The following NFIB variants were observed in gnomAD, a reference collection of about 807,000 sequenced individuals.
NFIB encodes nuclear factor 1 B-type.
A neutral mutation model predicts 61.5 loss-of-function variants in NFIB; 11 were observed. That is an observed-to-expected ratio of 0.18 (90% confidence interval 0.11 to 0.30). The LOEUF is 0.30. NFIB is among the 10% of genes least tolerant of loss of function. The pLI, the probability that NFIB is intolerant of heterozygous loss-of-function variation, is 1.00. For missense variants in NFIB, 471 were observed against 608.9 expected, an observed-to-expected ratio of 0.77 and a Z score of 2.38; for synonymous variants, 260 against 216.5, an observed-to-expected ratio of 1.20 and a Z score of -1.76.
chr9:14,502,126 A>C, the NFIB span, among the ~76,000 whole-genome samples: 3 of 152,290 alleles, frequency 2.0e-5, 1 homozygote, highest in Admixed American at 1.3e-4. Flanking sequence ...GAGTTTTAGA[A>C]AGGACGTATG....
intron 10 of NFIB, among the ~76,000 whole-genome samples, chr9:14,100,571 G>A (rs1305737434): frequency 6.6e-6 from 1 of 152,174 alleles, no homozygotes; most frequent in African/African-American, 2.4e-5. Flanking sequence ...TTAGCCGGGC[G>A]TGGTGGCGGG....
In NFIB at chr9:14,308,651, T is replaced by G. The variant is rs985080574; in HGVS notation, c.31-1131A>C. Among the ~76,000 whole-genome samples, 5 of 142,036 alleles carry G rather than the reference T, an allele frequency of 3.5e-5. No homozygotes were observed. The Admixed American group carries it at 3.6e-4, about 10-fold the overall frequency. The allele number at this position is 142,036 out of a possible 152,430, so 93.2% of individuals were successfully genotyped here. ...GCTTTTGTGGAATCTATACAATTCA[T>G]TTGCCATGTAGATGAATTATCAGTT... On this transcript the variant is annotated intron_variant, in intron 1 of 10. Transcript: ENST00000380953.
At chr9:14,366,003 A>G (rs1412445774) in intron 1 of NFIB, among the ~76,000 whole-genome samples, 2 of 152,204 alleles carry the variant, frequency 1.3e-5, no homozygotes, top group Admixed American at 1.3e-4. Flanking sequence ...CTGACTTAGG[A>G]ACAAGTAGAT....
the NFIB span, among the ~76,000 whole-genome samples, chr9:14,512,062 C>T: frequency 6.6e-6 from 1 of 152,148 alleles, no homozygotes; most frequent in Non-Finnish European, 1.5e-5. Context: ...CATTACTTGT[C>T]TGGTTTATTA....
the NFIB span, among the ~76,000 whole-genome samples, chr9:14,426,502 T>A: frequency 6.6e-6 from 1 of 152,254 alleles, no homozygotes; most frequent in Non-Finnish European, 1.5e-5. Flanking sequence ...CTTCATACAA[T>A]GCGGACATGT....
chr9:14,250,759 T>C (rs549087102), intron 2 of NFIB, among the ~76,000 whole-genome samples: 1 of 152,338 alleles, frequency 6.6e-6, no homozygotes, highest in Admixed American at 6.5e-5. Context: ...ATTTTAACTA[T>C]GTGAGAGAAG....
intron 2 of NFIB, among the ~76,000 whole-genome samples, chr9:14,275,504 A>T (rs1376757121): frequency 6.6e-6 from 1 of 152,020 alleles, no homozygotes; most frequent in Non-Finnish European, 1.5e-5. Context: ...GGCTAGGAAG[A>T]CTCTCATTAA....
intron 2 of NFIB, among the ~76,000 whole-genome samples, chr9:14,268,456 ACC>A (rs2132302597): frequency 6.6e-6 from 1 of 152,074 alleles, no homozygotes; most frequent in Admixed American, 6.5e-5. Flanking sequence ...ATGGTTCATG[ACC>A]CCCAACTACC....
chr9:14,441,165 CAAAAA>C, the NFIB span, among the ~76,000 whole-genome samples: 1 of 124,066 alleles, frequency 8.1e-6, no homozygotes. Flanking sequence ...AGAGAGAAAA[CAAAAA>C]AAAAAATCGG....
the NFIB span, among the ~76,000 whole-genome samples, chr9:14,493,923 T>C: frequency 6.6e-6 from 1 of 152,220 alleles, no homozygotes; most frequent in Admixed American, 6.5e-5. Flanking sequence ...GGACTAGCTT[T>C]TCCTTTGAAG....
intron 3 of NFIB, among the ~76,000 whole-genome samples, chr9:14,160,463 T>C (rs2044026783): frequency 6.6e-6 from 1 of 152,144 alleles, no homozygotes; most frequent in African/African-American, 2.4e-5. Flanking sequence ...AGAAAGCAGT[T>C]ATTAAATTCA....
At chr9:14,180,993 C>T (rs189160123) in intron 2 of NFIB, among the ~76,000 whole-genome samples, 18 of 152,352 alleles carry the variant, frequency 1.2e-4, no homozygotes, top group Admixed American at 9.1e-4. Context: ...TGCCATTATA[C>T]TTGAGCCAAG....
intron 2 of NFIB, among the ~76,000 whole-genome samples, chr9:14,278,664 T>C (rs2058168856): frequency 2.0e-5 from 3 of 152,188 alleles, no homozygotes. Flanking sequence ...TTAGGGTCAT[T>C]ACTAAGGTAT....
intron 2 of NFIB, among the ~76,000 whole-genome samples, chr9:14,214,345 C>G (rs2050628744): frequency 6.6e-6 from 1 of 152,234 alleles, no homozygotes; most frequent in Non-Finnish European, 1.5e-5. Flanking sequence ...GGTCCCCATG[C>G]TTGGCTTCAT....
intron 1 of NFIB, among the ~76,000 whole-genome samples, chr9:14,380,972 T>C (rs1028621176): frequency 6.0e-5 from 9 of 150,156 alleles, no homozygotes; most frequent in Non-Finnish European, 1.2e-4. Context: ...ATTTTCCTCC[T>C]TCATTGTTCA....
At chr9:14,311,607 T>C (rs1027331122) in intron 1 of NFIB, among the ~76,000 whole-genome samples, 4 of 152,334 alleles carry the variant, frequency 2.6e-5, no homozygotes, top group African/African-American at 7.2e-5. Context: ...TTATGCTGTA[T>C]ATGATCCCAA....
chr9:14,248,444 A>AT lies in NFIB; in HGVS notation c.562+58544dup, dbSNP rs1410801748. 3.0e-4 allele frequency among the ~76,000 whole-genome samples: 45 copies of AT among 151,264 alleles called. 1 individual carries two copies. Among genetic ancestry groups the AT allele is most frequent in the Admixed American group, 2.8e-3 (43 of 15,160 alleles). On this transcript the variant is annotated intron_variant, in intron 2 of 10. Coordinates refer to ENST00000380953, the MANE Select transcript of NFIB (RefSeq NM_001190737.2). ...CACCACCATGTCGGACTAATCTTTTATTTTTTTGTGGGGATGGGATCTCAC... is the reference window on the plus strand; with the variant it reads ...CACCACCATGTCGGACTAATCTTTTATTTTTTTTGTGGGGATGGGATCTCAC...
chr9:14,208,734 A>T (rs907483101), intron 2 of NFIB, among the ~76,000 whole-genome samples: 3 of 152,192 alleles, frequency 2.0e-5, no homozygotes, highest in African/African-American at 7.2e-5. Context: ...CCATTCAACA[A>T]TGTTTTGAAG....
chr9:14,441,995 G>C, the NFIB span, among the ~76,000 whole-genome samples: 3 of 152,150 alleles, frequency 2.0e-5, no homozygotes, highest in Non-Finnish European at 4.4e-5. Flanking sequence ...GGCAGGCACT[G>C]TGCTAAACAC....
Sources: gnomAD v4.1 joint callset for allele counts (sites outside exome capture counted in the v4.1 genomes callset) on GRCh38, gnomAD v4.1.1 for gene constraint, MANE v1.5 for transcripts, NCBI Gene and HGNC (gene_info 2026-07-23, HGNC 2026-07-21) for gene names.